The following UBAC2 variants were observed in gnomAD, a reference collection of about 807,000 sequenced individuals.
UBAC2 encodes UBA domain containing 2.
Under a neutral mutation model 44.0 loss-of-function variants are expected in UBAC2, and 26 were observed. That is an observed-to-expected ratio of 0.59 (90% CI 0.43 to 0.82). The LOEUF is 0.82. Ranked by LOEUF, UBAC2 falls within the 40% of genes least tolerant of loss-of-function variation. The probability of loss-of-function intolerance (pLI) is 0.00; values close to 1 mark genes in which losing one functional copy is unlikely to be tolerated. For missense variants in UBAC2, 329 were observed against 419.4 expected (o/e 0.78, Z 1.88); for synonymous variants, 155 against 154.3 (o/e 1.00, Z -0.04).
chr13:99,366,184 T>A lies in UBAC2; in HGVS notation c.808-1603T>A, dbSNP rs755629503. Among the ~76,000 whole-genome samples, 3 of 152,358 alleles carry A rather than the reference T, an allele frequency of 2.0e-5. No homozygotes were observed. The South Asian group carries it at 6.2e-4, about 32-fold the overall frequency. On this transcript the variant is annotated intron_variant, in intron 7 of 8. Transcript: ENST00000403766. Reference sequence around the variant, plus strand: ...ATCTGTTTTTTCTCATAATACCTTATTCTTTTCTTTAAGGTCCTCCTGTGA... The same window carrying A: ...ATCTGTTTTTTCTCATAATACCTTAATCTTTTCTTTAAGGTCCTCCTGTGA...
At chr13:99,223,958 G>A (rs58112188) in intron 1 of UBAC2, among the ~76,000 whole-genome samples, 4 of 152,128 alleles carry the variant, frequency 2.6e-5, no homozygotes, top group Non-Finnish European at 4.4e-5. Flanking sequence ...GTAACTTGCC[G>A]TTGTTGGGTG....
chr13:99,246,985 A>G (rs1177602058), intron 4 of UBAC2, among the ~76,000 whole-genome samples: 3 of 152,154 alleles, frequency 2.0e-5, no homozygotes, highest in Admixed American at 6.5e-5. Flanking sequence ...ATGTAAATAT[A>G]TCTCTTAAAA....
At chr13:99,265,235 G>A (rs1032422069) in intron 4 of UBAC2, among the ~76,000 whole-genome samples, 14 of 152,158 alleles carry the variant, frequency 9.2e-5, no homozygotes, top group African/African-American at 3.4e-4. Context: ...AATACCATTT[G>A]TATGGGTAGA....
intron 4 of UBAC2, among the ~76,000 whole-genome samples, chr13:99,262,075 C>T (rs551847334): frequency 2.0e-5 from 3 of 152,298 alleles, no homozygotes; most frequent in African/African-American, 7.2e-5. Context: ...TGAGTCCTCC[C>T]TTTGCCCAGT....
chr13:99,311,983 T>C (rs2044417332), intron 4 of UBAC2, among the ~76,000 whole-genome samples: 1 of 152,240 alleles, frequency 6.6e-6, no homozygotes, highest in Non-Finnish European at 1.5e-5. Context: ...GTATCTCACA[T>C]CTCTGTGTCC....
chr13:99,300,688 C>T (rs2044245232), intron 4 of UBAC2, among the ~76,000 whole-genome samples: 1 of 152,112 alleles, frequency 6.6e-6, no homozygotes, highest in Non-Finnish European at 1.5e-5. Flanking sequence ...GAGATGGTAC[C>T]TTTTTGTATT....
At chr13:99,271,980 G>C (rs1420405710) in intron 4 of UBAC2, among the ~76,000 whole-genome samples, 3 of 152,150 alleles carry the variant, frequency 2.0e-5, no homozygotes, top group Admixed American at 6.6e-5. Flanking sequence ...TGTTAGGACT[G>C]TTTGATCTTT....
chr13:99,338,047 C>CT lies in UBAC2; in HGVS notation c.562-2245dup, dbSNP rs869112086. The stretch of plus-strand genomic sequence containing the variant: ...ATCTCCTAACTTTTTTTCTTTTTTT[C>CT]TTTTTTTTTTTTTTTTTTTTTTTTT... On this transcript the variant is annotated intron_variant, in intron 6 of 8. Coordinates refer to ENST00000403766, the MANE Select transcript of UBAC2 (RefSeq NM_001144072.2). 5.3e-3 allele frequency among the ~76,000 whole-genome samples: 259 copies of CT among 48,868 alleles called. 26 individuals carry two copies. The highest frequency in any genetic ancestry group is 0.016 in the African/African-American group (224 of 14,118). 32.1% of individuals were successfully genotyped at this position (48,868 alleles called of 152,430 possible).
intron 4 of UBAC2, among the ~76,000 whole-genome samples, chr13:99,251,116 A>G (rs1420425530): frequency 1.3e-5 from 2 of 151,842 alleles, no homozygotes; most frequent in African/African-American, 4.8e-5. Context: ...TCGTGGTTAG[A>G]TGTATTCCTA....
intron 8 of UBAC2, among the ~76,000 whole-genome samples, chr13:99,373,356 CAAG>C (rs2045435049): frequency 6.6e-6 from 1 of 152,000 alleles, no homozygotes; most frequent in African/African-American, 2.4e-5. Flanking sequence ...TAAAATCAGA[CAAG>C]AAAGTTAAAT....
rs928332849 is a variant in UBAC2, at chr13:99,385,449, A to G, written c.*114A>G. 3 of 857,482 alleles carry G rather than the reference A, an allele frequency of 3.5e-6. No homozygotes were observed. The highest frequency in any genetic ancestry group is 3.3e-5 in the African/African-American group (2 of 60,206). 53.1% of individuals were successfully genotyped at this position (857,482 alleles called of 1,614,324 possible). A position where few individuals can be genotyped will look rare whatever the true frequency, so the allele number is the denominator to read the frequency against. ...CTGGTGCTGATGTTCTTGTGGGAAGAGGGAGGTTCCACCGCACCCCTGCCC... is the reference window on the plus strand; with the variant it reads ...CTGGTGCTGATGTTCTTGTGGGAAGGGGGAGGTTCCACCGCACCCCTGCCC... On this transcript the variant is annotated 3_prime_UTR_variant, in exon 9 of 9. Transcript: ENST00000403766.
intron 6 of UBAC2, among the ~76,000 whole-genome samples, chr13:99,323,192 A>G (rs1340787817): frequency 1.3e-5 from 2 of 152,106 alleles, no homozygotes; most frequent in Admixed American, 6.5e-5. Context: ...AAAGAGTGGT[A>G]TAGGTAGCAG....
chr13:99,233,929 A>G (rs1029876437), intron 1 of UBAC2, among the ~76,000 whole-genome samples: 2 of 152,122 alleles, frequency 1.3e-5, no homozygotes, highest in African/African-American at 4.8e-5. Context: ...TGAGTTCTCA[A>G]GACTAGTCTT....
At chr13:99,224,941 G>A (rs960559898) in intron 1 of UBAC2, among the ~76,000 whole-genome samples, 1 of 152,158 alleles carries the variant, frequency 6.6e-6, no homozygotes, top group Non-Finnish European at 1.5e-5. Context: ...ATGTGCAACT[G>A]TTTGGATATT....
At chr13:99,375,801 CT>C (rs34318354) in intron 8 of UBAC2, among the ~76,000 whole-genome samples, 1,159 of 110,868 alleles carry the variant, frequency 0.01, 1 homozygote, top group African/African-American at 0.016. Flanking sequence ...TCCTTTTTCC[CT>C]TTTTTTTTTT....
At position 99,249,665 on chromosome 13, in the gene UBAC2, A is replaced by G. The variant is rs112759777; in HGVS notation, c.389+5041A>G. 3.3e-3 allele frequency among the ~76,000 whole-genome samples: 504 copies of G among 152,334 alleles called. 6 individuals are homozygous for G. The highest frequency in any genetic ancestry group is 0.012 in the African/African-American group (484 of 41,578). On this transcript the variant is annotated intron_variant, in intron 4 of 8. Coordinates refer to ENST00000403766, the MANE Select transcript of UBAC2 (RefSeq NM_001144072.2). ...TAATTTACATTCCCACCAACAGTGT[A>G]TAAGTGTTCCCTTTTCTCACTTATA...
Position 99,238,485 on chromosome 13 carries a change from C to G in UBAC2, c.90C>G (p.Leu30=), listed in dbSNP as rs141864081. ...TCCCCAGTGCCCTCTCCCTCCTGCTCGCCCTCCTCCTGCCTCACTGCCAGA... is the reference window on the plus strand; with the variant it reads ...TCCCCAGTGCCCTCTCCCTCCTGCTGGCCCTCCTCCTGCCTCACTGCCAGA... ...LLVPSALSLL[L]ALLLPHCQKL... The change falls in exon 2 of 9, where the codon CTC becomes CTG. Residue 30 remains leucine, a synonymous_variant. Transcript: ENST00000403766. The G allele has an allele frequency of 6.2e-7, 1 of 1,613,798 alleles. No individual in the cohort carries two copies. The highest frequency in any genetic ancestry group is 8.5e-7 in the Non-Finnish European group (1 of 1,179,902).
chr13:99,235,500 G>A (rs914493728), intron 1 of UBAC2, among the ~76,000 whole-genome samples: 1 of 152,158 alleles, frequency 6.6e-6, no homozygotes, highest in African/African-American at 2.4e-5. Context: ...AGAACAAGGT[G>A]AAGTATCATA....
At chr13:99,201,390 C>G (rs758831638) in intron 1 of UBAC2, 5 of 1,602,464 alleles carry the variant, frequency 3.1e-6, no homozygotes, top group African/African-American at 2.7e-5. Context: ...GCTTTAGAAG[C>G]TGACCTCTCA....
Sources: gnomAD v4.1 joint callset for allele counts (sites outside exome capture counted in the v4.1 genomes callset) on GRCh38, gnomAD v4.1.1 for gene constraint, MANE v1.5 for transcripts, NCBI Gene and HGNC (gene_info 2026-07-23, HGNC 2026-07-21) for gene names.